DHX34: variants seen among roughly 807,000 people sequenced by gnomAD.
DHX34 encodes the protein DExH-box helicase 34.
A neutral mutation model predicts 111.1 loss-of-function variants in DHX34; 96 were observed. That is an observed-to-expected ratio of 0.86 (90% CI 0.73 to 1.02). The LOEUF is 1.02. Ranked by LOEUF, DHX34 falls within the 50% of genes least tolerant of loss-of-function variation. The pLI, the probability that DHX34 is intolerant of heterozygous loss-of-function variation, is 0.00. For missense variants in DHX34, 1,560 were observed against 1,579.9 expected (o/e 0.99, Z 0.21); for synonymous variants, 688 against 670.4 (o/e 1.03, Z -0.41).
At position 47,353,439 on chromosome 19, in the gene DHX34, C is replaced by T; in HGVS notation, c.409C>T (p.Leu137=). The change falls in exon 2 of 17, where the codon CTG becomes TTG. Residue 137 remains leucine (L), a synonymous_variant. Coordinates refer to ENST00000328771, the MANE Select transcript of DHX34 (RefSeq NM_014681.6). The surrounding 1 kb of genome is among the most constrained non-coding windows in gnomAD (Gnocchi z 4.6). ...AERVAEFRRA[L]LHYLDFGQKQ... ...GAGAGTGGCTGAGTTCCGCCGAGCC[C>T]TGTTGCACTACCTGGACTTTGGCCA... 6.2e-7 allele frequency: 1 copy of T among 1,614,206 alleles called. No individual in the cohort carries two copies.
At position 47,375,988 on chromosome 19, in the gene DHX34, A is replaced by G. The variant is rs769634155; in HGVS notation, c.2372A>G (p.Asp791Gly). Reference sequence around the variant, plus strand: ...CAGGCCGCTGCCAGCTCAGCCCAGGACCTGAGCCGCGAGCAGCTGGCTCTG... The same window carrying G: ...CAGGCCGCTGCCAGCTCAGCCCAGGGCCTGAGCCGCGAGCAGCTGGCTCTG... ...QLQAAASSAQ[D>G]LSREQLALLK... The change falls in exon 11 of 17, where the codon GAC (aspartate) becomes GGC (glycine). Residue 791 changes from aspartate to glycine, a missense_variant. Asp to Gly is a moderately conservative substitution (Grantham distance 94). Coordinates refer to ENST00000328771, the MANE Select transcript of DHX34 (RefSeq NM_014681.6). 6.2e-7 allele frequency: 1 copy of G among 1,606,074 alleles called. No homozygotes were observed. The highest frequency in any genetic ancestry group is 1.3e-5 in the African/African-American group (1 of 74,542).
At chr19:47,368,630 G>A (rs151327580) in intron 7 of DHX34, among the ~76,000 whole-genome samples, 2,494 of 129,506 alleles carry the variant, frequency 0.019, 29 homozygotes, top group African/African-American at 0.026. Context: ...GTGTGTGTGT[G>A]TATATATATA....
intron 7 of DHX34, among the ~76,000 whole-genome samples, chr19:47,368,802 C>T (rs1042198903): frequency 2.0e-5 from 3 of 151,906 alleles, no homozygotes; most frequent in African/African-American, 7.3e-5. Context: ...GAACTTCTGC[C>T]TCCTGGATTC....
At position 47,382,196 on chromosome 19, in the gene DHX34, C is replaced by T; in HGVS notation, c.*83C>T. 1.3e-6 allele frequency: 2 copies of T among 1,560,346 alleles called. No homozygotes were observed. Among genetic ancestry groups the T allele is most frequent in the Non-Finnish European group, 8.7e-7 (1 of 1,155,434 alleles). Reference sequence around the variant, plus strand: ...TAGGGGCAGGACTCTTGCCTGAACCCCCAGCCTGGGCTTAGCCCTGTGGTC... The same window carrying T: ...TAGGGGCAGGACTCTTGCCTGAACCTCCAGCCTGGGCTTAGCCCTGTGGTC... On this transcript the variant is annotated 3_prime_UTR_variant, in exon 17 of 17. Coordinates refer to ENST00000328771, the MANE Select transcript of DHX34 (RefSeq NM_014681.6).
chr19:47,371,652 T>C (rs1969969257), intron 7 of DHX34, among the ~76,000 whole-genome samples: 1 of 152,016 alleles, frequency 6.6e-6, no homozygotes, highest in South Asian at 2.1e-4. Flanking sequence ...CAGGCTAGAG[T>C]GTAATGGCAA....
At position 47,367,098 on chromosome 19, in the gene DHX34, G is replaced by C; in HGVS notation, c.1711G>C (p.Glu571Gln). ...GGACCAGGGGGCCCTGGACAGCTCA[G>C]AGGCCCTCACACCCATTGGGTCCCT... ...LRDQGALDSS[E>Q]ALTPIGSLLA... is the part of the protein sequence containing the mutation. The change falls in exon 7 of 17, where the codon GAG (glutamate) becomes CAG (glutamine). Residue 571 changes from glutamate (E) to glutamine (Q), a missense_variant. Transcript: ENST00000328771. The C allele has an allele frequency of 6.2e-7, 1 of 1,601,248 alleles. No homozygotes were observed. The highest frequency in any genetic ancestry group is 8.5e-7 in the Non-Finnish European group (1 of 1,173,642).
chr19:47,372,900 A>G lies in DHX34; in HGVS notation c.1939A>G (p.Asn647Asp), dbSNP rs372908429. Residue 647 changes from asparagine (N) to aspartate (D), a missense_variant, in exon 8 of 17, where the codon AAC (asparagine) becomes GAC (aspartate). By Grantham distance (23) the Asn-to-Asp change is conservative (BLOSUM62 1). Coordinates refer to ENST00000328771, the MANE Select transcript of DHX34 (RefSeq NM_014681.6). Reference protein sequence around the residue: ...SDQGDPFTLFNVFNAWVQVKS... With the variant: ...SDQGDPFTLFDVFNAWVQVKS... ...CCAGGGTGACCCCTTCACGCTCTTCAACGTCTTCAACGCCTGGGTGCAGGT... is the reference window on the plus strand; with the variant it reads ...CCAGGGTGACCCCTTCACGCTCTTCGACGTCTTCAACGCCTGGGTGCAGGT... 2.5e-6 allele frequency: 4 copies of G among 1,603,378 alleles called. No individual in the cohort carries two copies. Among genetic ancestry groups the G allele is most frequent in the Non-Finnish European group, 3.4e-6 (4 of 1,178,302 alleles).
At chr19:47,355,011 T>C in intron 2 of DHX34, 28 bp from the exon 3 acceptor site, 1 of 1,610,486 alleles carries the variant, frequency 6.2e-7, no homozygotes, top group Non-Finnish European at 8.5e-7. Flanking sequence ...CAGGGTCCTC[T>C]CCTGATCCTT....
chr19:47,380,759 C>T, intron 14 of DHX34, 57 bp from the exon 15 acceptor site: 1 of 1,605,514 alleles, frequency 6.2e-7, no homozygotes, highest in Non-Finnish European at 8.5e-7. Context: ...GATCCAGGTG[C>T]TTTGGCGGCA....
intron 1 of DHX34, among the ~76,000 whole-genome samples, chr19:47,352,443 A>T (rs1969314942): frequency 6.6e-6 from 1 of 152,216 alleles, no homozygotes; most frequent in Non-Finnish European, 1.5e-5. Flanking sequence ...TGGGAGGCTA[A>T]GGTGGGGGAA....
At chr19:47,375,394 G>T (rs1970104928) in intron 9 of DHX34, 72 bp from the exon 10 acceptor site, 1 of 1,466,736 alleles carries the variant, frequency 6.8e-7, no homozygotes, top group African/African-American at 1.4e-5. Context: ...CACTGGGAGG[G>T]TCCCCATTTC....
At chr19:47,380,717 C>T in intron 14 of DHX34, 99 bp from the exon 15 acceptor site, 1 of 1,540,790 alleles carries the variant, frequency 6.5e-7, no homozygotes, top group Non-Finnish European at 8.7e-7. Context: ...CCCGTAACTG[C>T]AAAGCCCGAG....
intron 14 of DHX34, among the ~76,000 whole-genome samples, chr19:47,380,463 AAGG>A (rs1166513279): frequency 6.6e-6 from 1 of 151,870 alleles, no homozygotes; most frequent in African/African-American, 2.4e-5. Flanking sequence ...CTTGAGGACA[AAGG>A]AGCAGGAACC....
At chr19:47,372,492 C>A in intron 7 of DHX34, 1 of 544,586 alleles carries the variant, frequency 1.8e-6, no homozygotes, top group Non-Finnish European at 2.3e-6. Context: ...TCCAAGGAGG[C>A]AGGGACTGGC....
chr19:47,357,695 C>G, intron 3 of DHX34, 171 bp from the exon 4 acceptor site: 1 of 958,386 alleles, frequency 1.0e-6, no homozygotes, highest in Non-Finnish European at 1.2e-6. Context: ...AAAGGAGAAG[C>G]CTGGATCCCT....
In DHX34 at chr19:47,352,914, A is replaced by C. The variant is rs1311524451; in HGVS notation, c.-117A>C. 2.1e-6 allele frequency: 3 copies of C among 1,451,388 alleles called. No homozygotes were observed. The highest frequency in any genetic ancestry group is 9.1e-7 in the Non-Finnish European group (1 of 1,102,334). 89.9% of individuals were successfully genotyped at this position (1,451,388 alleles called of 1,614,324 possible). On this transcript the variant is annotated 5_prime_UTR_variant, in exon 2 of 17. Transcript: ENST00000328771. Reference sequence around the variant, plus strand: ...ACCAGGAGGAAAAATTAGCTCTTTGAAGAGAAAGTAGTTCTCTATTGCAGG... The same window carrying C: ...ACCAGGAGGAAAAATTAGCTCTTTGCAGAGAAAGTAGTTCTCTATTGCAGG...
At chr19:47,357,807 C>G in intron 3 of DHX34, 59 bp from the exon 4 acceptor site, 1 of 1,561,440 alleles carries the variant, frequency 6.4e-7, no homozygotes, top group Middle Eastern at 1.7e-4. Context: ...GCCTCCCCAG[C>G]CCATTGCTCT....
intron 14 of DHX34, 51 bp from the exon 15 acceptor site, chr19:47,380,765 C>G: frequency 1.9e-6 from 3 of 1,606,260 alleles, no homozygotes; most frequent in Non-Finnish European, 2.6e-6. Flanking sequence ...GGTGCTTTGG[C>G]GGCATCTCCC....
At chr19:47,376,981 A>C (rs2122354014) in intron 12 of DHX34, 119 bp from the exon 13 acceptor site, 1 of 1,559,758 alleles carries the variant, frequency 6.4e-7, no homozygotes, top group East Asian at 2.4e-5. Flanking sequence ...AGGCCACCAA[A>C]GCCATGCCGT....
Sources: allele counts gnomAD v4.1 joint callset (sites outside exome capture counted in the v4.1 genomes callset), GRCh38; gene constraint gnomAD v4.1.1; non-coding constraint Gnocchi (gnomAD v3.1); transcripts MANE v1.5; gene names NCBI Gene and HGNC (gene_info 2026-07-23, HGNC 2026-07-21).